The following RPRD1B variants were observed in gnomAD, a reference collection of about 807,000 sequenced individuals.
RPRD1B encodes regulation of nuclear pre-mRNA domain containing 1B, also known as regulation of nuclear pre-mRNA domain-containing protein 1B.
Under a neutral mutation model 41.5 loss-of-function variants are expected in RPRD1B, and 11 were observed. The observed-to-expected ratio is 0.27, with a 90% CI of 0.17 to 0.44. The LOEUF (loss-of-function observed/expected upper bound fraction) is 0.44. Ranked by LOEUF, RPRD1B falls within the 20% of genes least tolerant of loss-of-function variation. RPRD1B has a pLI of 1.00. For synonymous variants in RPRD1B, 158 were observed against 155.6 expected (o/e 1.02, Z -0.12); for missense variants, 248 against 389.9 (o/e 0.64, Z 3.06).
At chr20:38,083,308 G>C (rs778555530) in intron 6 of RPRD1B, among the ~76,000 whole-genome samples, 45 of 152,152 alleles carry the variant, frequency 3.0e-4, no homozygotes, top group Non-Finnish European at 5.7e-4. Context: ...ATTTTTGAAG[G>C]ATCCAGGTCC....
chr20:38,043,650 C>T (rs1220760968), intron 2 of RPRD1B, among the ~76,000 whole-genome samples: 4 of 152,222 alleles, frequency 2.6e-5, no homozygotes, highest in Non-Finnish European at 5.9e-5. Flanking sequence ...TAATAGCTTC[C>T]ATTTATTGAG....
intron 6 of RPRD1B, among the ~76,000 whole-genome samples, chr20:38,086,916 A>G (rs893444044): frequency 2.0e-5 from 3 of 151,836 alleles, no homozygotes; most frequent in Non-Finnish European, 4.4e-5. Context: ...CCCCTTCCAA[A>G]CAGAAACAAC....
chr20:38,051,211 T>C (rs1054513981), intron 3 of RPRD1B, among the ~76,000 whole-genome samples: 1 of 152,218 alleles, frequency 6.6e-6, no homozygotes, highest in African/African-American at 2.4e-5. Context: ...CTGTACCCTA[T>C]AAATATATAC....
At chr20:38,058,424 TTTAAAGAC>T (rs1354599293) in intron 4 of RPRD1B, among the ~76,000 whole-genome samples, 2 of 152,340 alleles carry the variant, frequency 1.3e-5, no homozygotes, top group African/African-American at 4.8e-5. Context: ...ATTTAAACAC[TTTAAAGAC>T]TACAGCCTAG....
In RPRD1B at chr20:38,092,035, T is replaced by A; in HGVS notation, c.*2160T>A. On this transcript the variant is annotated 3_prime_UTR_variant, in exon 7 of 7. Coordinates refer to ENST00000373433, the MANE Select transcript of RPRD1B (RefSeq NM_021215.4). ...TGTCCACATCCTCCCAAAGTGTGCT[T>A]ACTTCATTTGTTTAATTTAAATGAA... is the stretch of plus-strand genomic sequence containing the variant. 1 of 985,866 alleles carries A rather than the reference T, an allele frequency of 1.0e-6. No homozygotes were observed. The highest frequency in any genetic ancestry group is 1.2e-6 in the Non-Finnish European group (1 of 829,920). The allele number at this position is 985,866 out of a possible 1,614,324, so 61.1% of individuals were successfully genotyped here. A position where few individuals can be genotyped will look rare whatever the true frequency, so the allele number is the denominator to read the frequency against.
chr20:38,085,182 C>T (rs975587509), intron 6 of RPRD1B, among the ~76,000 whole-genome samples: 3 of 152,112 alleles, frequency 2.0e-5, no homozygotes, highest in Non-Finnish European at 2.9e-5. Context: ...GATGAGAGTG[C>T]TGGAGAGAGC....
At chr20:38,074,642 A>G (rs893919320) in intron 6 of RPRD1B, among the ~76,000 whole-genome samples, 2 of 152,212 alleles carry the variant, frequency 1.3e-5, no homozygotes, top group African/African-American at 4.8e-5. Flanking sequence ...CTAATTTTTC[A>G]TATTTATGGA....
At chr20:38,070,099 C>G (rs1312649761) in intron 6 of RPRD1B, 3 of 639,712 alleles carry the variant, frequency 4.7e-6, no homozygotes, top group Admixed American at 1.3e-4. Flanking sequence ...GGAAAGGTAA[C>G]CATTTTTAGA....
intron 6 of RPRD1B, chr20:38,070,779 G>C (rs1483507504): frequency 1.1e-6 from 1 of 934,976 alleles, no homozygotes; most frequent in Non-Finnish European, 1.2e-6. Flanking sequence ...TTGCTCTGTT[G>C]CCCAGGGCTA....
chr20:38,060,860 T>TCA (rs2074290302), intron 5 of RPRD1B, among the ~76,000 whole-genome samples: 1 of 152,268 alleles, frequency 6.6e-6, no homozygotes, highest in Non-Finnish European at 1.5e-5. Context: ...TTTCACTTCC[T>TCA]CACACACACC....
At chr20:38,070,128 C>T (rs909191878) in intron 6 of RPRD1B, 2 of 886,044 alleles carry the variant, frequency 2.3e-6, no homozygotes, top group African/African-American at 3.6e-5. Context: ...TAGGTTTTCT[C>T]CTTTGTACTA....
At chr20:38,049,583 T>C (rs2074161737) in intron 3 of RPRD1B, among the ~76,000 whole-genome samples, 1 of 151,830 alleles carries the variant, frequency 6.6e-6, no homozygotes, top group Non-Finnish European at 1.5e-5. Context: ...TTGGCCAGGC[T>C]GGTCTTGAAC....
chr20:38,060,059 TGAAAG>T (rs1235562065), intron 5 of RPRD1B, among the ~76,000 whole-genome samples: 2 of 152,160 alleles, frequency 1.3e-5, no homozygotes, highest in African/African-American at 2.4e-5. Flanking sequence ...TATGGGAAAT[TGAAAG>T]GAAGGAATGA....
intron 5 of RPRD1B, among the ~76,000 whole-genome samples, chr20:38,064,964 T>A (rs938690723): frequency 2.0e-5 from 3 of 149,158 alleles, no homozygotes; most frequent in Non-Finnish European, 4.4e-5. Flanking sequence ...CCAGCCTGGG[T>A]CACAGAGCAA....
chr20:38,075,759 A>G (rs929448925), intron 6 of RPRD1B, among the ~76,000 whole-genome samples: 1 of 152,210 alleles, frequency 6.6e-6, no homozygotes, highest in African/African-American at 2.4e-5. Context: ...TCTGGTTATA[A>G]TCAGGAGTCA....
intron 6 of RPRD1B, among the ~76,000 whole-genome samples, chr20:38,086,786 C>G (rs1229879737): frequency 6.6e-6 from 1 of 152,182 alleles, no homozygotes; most frequent in Non-Finnish European, 1.5e-5. Context: ...CAGGATCCGT[C>G]CACTTCCAGA....
chr20:38,048,722 TTCTG>T (rs2074147144), intron 3 of RPRD1B: 1 of 435,102 alleles, frequency 2.3e-6, no homozygotes, highest in Non-Finnish European at 3.1e-6. Context: ...CTTGGCTTGC[TTCTG>T]TCTTTCAGAG....
At chr20:38,057,828 G>A (rs763637949) in intron 4 of RPRD1B, among the ~76,000 whole-genome samples, 184 bp downstream of exon 4, 1 of 152,190 alleles carries the variant, frequency 6.6e-6, no homozygotes, top group Non-Finnish European at 1.5e-5. Context: ...ATGTCTTTGC[G>A]TGCCATAACT....
Position 38,057,637 on chromosome 20 carries a change from C to A in RPRD1B, c.521C>A (p.Pro174His). ...TCTCCTCAGGATCCTTCTGCAGGAC[C>A]CCTCTTGGTAGGTCTTGACCCCCAG... ...SYSPQDPSAG[P>H]LLTEELIKAL... The change falls in exon 4 of 7, where the codon CCC (proline) becomes CAC (histidine). Residue 174 changes from proline (P) to histidine (H), a missense_variant. By Grantham distance (77) the Pro-to-His change is moderately conservative. Around this residue, in one of 5 missense-constraint regions of RPRD1B, gnomAD observed 94 missense variants for 82.3 expected, o/e 1.14. Coordinates refer to ENST00000373433, the MANE Select transcript of RPRD1B (RefSeq NM_021215.4). The A allele has an allele frequency of 6.2e-7, 1 of 1,611,280 alleles. No homozygotes were observed. Among genetic ancestry groups the A allele is most frequent in the Non-Finnish European group, 8.5e-7 (1 of 1,177,440 alleles).
Sources: gnomAD v4.1 joint callset for allele counts (sites outside exome capture counted in the v4.1 genomes callset) on GRCh38, gnomAD v4.1.1 for gene constraint, gnomAD v4.1.1 regional missense constraint, MANE v1.5 for transcripts, NCBI Gene and HGNC (gene_info 2026-07-23, HGNC 2026-07-21) for gene names.